Variants in SDAD1 observed in about 807,000 individuals in gnomAD.
SDAD1 encodes the protein SDA1 domain containing 1.
In SDAD1, 79 loss-of-function variants were observed where a neutral mutation model predicts 100.3. That is an observed-to-expected ratio of 0.79 (90% CI 0.66 to 0.95). The LOEUF (loss-of-function observed/expected upper bound fraction) is 0.95. SDAD1 is among the 40% of genes least tolerant of loss of function. The pLI is 0.00. For missense variants in SDAD1, 790 were observed against 810.9 expected, an observed-to-expected ratio of 0.97 and a Z score of 0.31; for synonymous variants, 267 against 271.4, an observed-to-expected ratio of 0.98 and a Z score of 0.16.
Position 75,975,845 on chromosome 4 carries a change from C to G in SDAD1, c.478-1G>C. On this transcript the variant is annotated splice_acceptor_variant, in intron 5 of 21. Transcript: ENST00000356260. LOFTEE classifies it high-confidence loss of function. Reference sequence around the variant, plus strand: ...TGGTGTACATGAAATTTTGCAATACCTGCAGAAAAGGAGGAGAAAGAAGAC... The same window carrying G: ...TGGTGTACATGAAATTTTGCAATACGTGCAGAAAAGGAGGAGAAAGAAGAC... 1 of 1,613,218 alleles carries G rather than the reference C, an allele frequency of 6.2e-7. No individual in the cohort carries two copies. The highest frequency in any genetic ancestry group is 8.5e-7 in the Non-Finnish European group (1 of 1,179,274).
intron 1 of SDAD1, among the ~76,000 whole-genome samples, chr4:75,986,931 T>C (rs762896216): frequency 2.6e-5 from 4 of 151,978 alleles, no homozygotes; most frequent in African/African-American, 7.3e-5. Flanking sequence ...GGCGGGAGGA[T>C]TGCTTGAGCC....
intron 14 of SDAD1, among the ~76,000 whole-genome samples, chr4:75,962,468 A>T (rs963006543): frequency 5.9e-5 from 9 of 152,208 alleles, no homozygotes; most frequent in African/African-American, 2.2e-4. Context: ...CTTGAGGAAT[A>T]GCCACACTGT....
chr4:75,966,239 T>C (rs940611850), intron 12 of SDAD1, among the ~76,000 whole-genome samples: 1 of 147,024 alleles, frequency 6.8e-6, no homozygotes, highest in East Asian at 2.1e-4. Flanking sequence ...ATAAAAATCA[T>C]TAAATAAATA....
Position 75,990,925 on chromosome 4 carries a change from T to C in SDAD1, c.-84A>G, listed in dbSNP as rs1025613449. 1.6e-5 allele frequency: 25 copies of C among 1,537,116 alleles called. No individual in the cohort carries two copies. The highest frequency in any genetic ancestry group is 6.8e-5 in the Admixed American group (4 of 58,886). ...CCCGCAATCCCTGCCAGCTGCAGCT[T>C]GGACTCGTGTTTCCGGGTATGACCG... On this transcript the variant is annotated 5_prime_UTR_variant, in exon 1 of 22. Coordinates refer to ENST00000356260, the MANE Select transcript of SDAD1 (RefSeq NM_018115.4).
At chr4:75,972,629 C>T (rs980324398) in intron 8 of SDAD1, among the ~76,000 whole-genome samples, 14 of 142,860 alleles carry the variant, frequency 9.8e-5, no homozygotes, top group African/African-American at 3.4e-4. Flanking sequence ...GTTACCAAAA[C>T]ACTAAAATGG....
At position 75,950,164 on chromosome 4, in the gene SDAD1, G is replaced by A. The variant is rs1728552183; in HGVS notation, c.*586C>T. On this transcript the variant is annotated 3_prime_UTR_variant, in exon 22 of 22. Coordinates refer to ENST00000356260, the MANE Select transcript of SDAD1 (RefSeq NM_018115.4). The stretch of plus-strand genomic sequence containing the variant: ...GGGGGGGGGTCACTTAAATCTCTTG[G>A]ATTGACTAAAAGAGCTAAATTATGT... 1 of 148,652 alleles carries A rather than the reference G, an allele frequency of 6.7e-6. No homozygotes were observed. Among genetic ancestry groups the A allele is most frequent in the African/African-American group, 2.5e-5 (1 of 39,788 alleles). 9.2% of individuals were successfully genotyped at this position (148,652 alleles called of 1,614,324 possible).
chr4:75,959,107 A>C lies in SDAD1; in HGVS notation c.1483+959T>G, dbSNP rs1489044856. Among the ~76,000 whole-genome samples the C allele has an allele frequency of 1.1e-3, 155 of 144,870 alleles. 1 individual carries two copies. Among genetic ancestry groups the C allele is most frequent in the African/African-American group, 3.8e-3 (139 of 36,740 alleles). ...AGCAAGACTCTGTCTCAAAAAAAAA[A>C]AAAAAAAAAAAAAAAAAAAAACCTA... On this transcript the variant is annotated intron_variant, in intron 17 of 21. Transcript: ENST00000356260.
chr4:75,961,056 T>G lies in SDAD1; in HGVS notation c.1328A>C (p.Asn443Thr), dbSNP rs1260150092. ...RTLIHLFRTL[N>T]PQMLQKKFRG... is the part of the protein sequence containing the mutation. ...GAATTTCTTCTGCAGCATCTGAGGATTCAGTGTTCGGAAGAGGTGAATCAA... is the reference window on the plus strand; with the variant it reads ...GAATTTCTTCTGCAGCATCTGAGGAGTCAGTGTTCGGAAGAGGTGAATCAA... The change falls in exon 16 of 22, where the codon AAT becomes ACT. Residue 443 changes from asparagine (N) to threonine (T), a missense_variant. By Grantham distance (65) the Asn-to-Thr change is moderately conservative. Transcript: ENST00000356260. The G allele has an allele frequency of 1.4e-5, 23 of 1,613,792 alleles. No individual in the cohort carries two copies. The highest frequency in any genetic ancestry group is 5.3e-5 in the African/African-American group (4 of 74,918).
At chr4:75,975,403 G>C (rs1189229216) in intron 6 of SDAD1, among the ~76,000 whole-genome samples, 3 of 152,198 alleles carry the variant, frequency 2.0e-5, no homozygotes, top group African/African-American at 7.2e-5. Context: ...ATCTGGGTCT[G>C]AATTTCAGCT....
intron 10 of SDAD1, 73 bp downstream of exon 10, chr4:75,970,235 GA>G: frequency 7.8e-7 from 1 of 1,276,652 alleles, no homozygotes; most frequent in Non-Finnish European, 1.1e-6. Flanking sequence ...TATATTCCCT[GA>G]AAACCCCAAA....
Position 75,970,294 on chromosome 4 carries a change from G to A in SDAD1, c.883+15C>T, listed in dbSNP as rs1476448704. 1.7e-5 allele frequency: 27 copies of A among 1,606,548 alleles called. No individual in the cohort carries two copies. The highest frequency in any genetic ancestry group is 2.2e-5 in the South Asian group (2 of 90,824). On this transcript the variant is annotated intron_variant, in intron 10 of 21. Coordinates refer to ENST00000356260, the MANE Select transcript of SDAD1 (RefSeq NM_018115.4). ...GATAAGGCCAACAAGGAACTCGGAC[G>A]TCATAATAACGTACCTTGGGGATCA...
rs1728860707 is a variant in SDAD1, at chr4:75,955,890, CA to C, written c.2016+84del. 33 of 1,448,154 alleles carry C rather than the reference CA, an allele frequency of 2.3e-5. 1 individual carries two copies. The South Asian group carries it at 4.5e-4, about 20-fold the overall frequency. The allele number at this position is 1,448,154 out of a possible 1,614,324, so 89.7% of individuals were successfully genotyped here. Reference sequence around the variant, plus strand: ...GACACACACAATAATGCCCAGTCTTCAGAAGGCGCAAGTCCGTCTCAAATGT... The same window carrying C: ...GACACACACAATAATGCCCAGTCTTCGAAGGCGCAAGTCCGTCTCAAATGT... On this transcript the variant is annotated intron_variant, in intron 21 of 21. Coordinates refer to ENST00000356260, the MANE Select transcript of SDAD1 (RefSeq NM_018115.4).
At chr4:75,963,648 A>T (rs1729377609) in intron 14 of SDAD1, among the ~76,000 whole-genome samples, 1 of 152,116 alleles carries the variant, frequency 6.6e-6, no homozygotes, top group African/African-American at 2.4e-5. Flanking sequence ...AAGGTCCCTT[A>T]TCACCAGTGA....
intron 21 of SDAD1, among the ~76,000 whole-genome samples, chr4:75,955,241 C>T (rs1004699666): frequency 7.2e-5 from 11 of 152,146 alleles, no homozygotes; most frequent in East Asian, 3.9e-4. Context: ...CATAATCAAA[C>T]GACCCTAAAT....
chr4:75,962,834 C>T (rs924165395), intron 14 of SDAD1, among the ~76,000 whole-genome samples: 7 of 152,112 alleles, frequency 4.6e-5, no homozygotes, highest in African/African-American at 1.7e-4. Flanking sequence ...TTCTCCCATT[C>T]TGTAGGTTGC....
At chr4:75,962,823 T>C (rs1038205139) in intron 14 of SDAD1, among the ~76,000 whole-genome samples, 1 of 152,196 alleles carries the variant, frequency 6.6e-6, no homozygotes, top group Non-Finnish European at 1.5e-5. Context: ...TTGCAAAAAT[T>C]TTCTCCCATT....
At chr4:75,966,838 C>T (rs1052505336) in intron 12 of SDAD1, among the ~76,000 whole-genome samples, 3 of 152,160 alleles carry the variant, frequency 2.0e-5, no homozygotes, top group African/African-American at 4.8e-5. Flanking sequence ...GGCACAATCT[C>T]GGCTCACAGC....
rs1167381813 is a variant in SDAD1, at chr4:75,971,346, A to G, written c.813+11T>C. On this transcript the variant is annotated intron_variant, in intron 9 of 21. Transcript: ENST00000356260. ...ATCACTCCTATCTCATTTTCCAGAT[A>G]CAAGTCCCACCTTGAGCACTTTCAT... 3 of 1,587,540 alleles carry G rather than the reference A, an allele frequency of 1.9e-6. No homozygotes were observed. Among genetic ancestry groups the G allele is most frequent in the African/African-American group, 2.7e-5 (2 of 74,262 alleles).
intron 14 of SDAD1, among the ~76,000 whole-genome samples, chr4:75,963,316 C>T (rs1729356087): frequency 6.7e-6 from 1 of 150,060 alleles, no homozygotes; most frequent in South Asian, 2.1e-4. Flanking sequence ...AGTTTGAAGT[C>T]AGGTAGCGTG....
Sources: gnomAD v4.1 joint callset for allele counts (sites outside exome capture counted in the v4.1 genomes callset) on GRCh38, gnomAD v4.1.1 for gene constraint, MANE v1.5 for transcripts, NCBI Gene and HGNC (gene_info 2026-07-23, HGNC 2026-07-21) for gene names.